BANK1: variants seen among roughly 807,000 people sequenced by gnomAD.
BANK1 encodes the protein B-cell scaffold protein with ankyrin repeats.
A neutral mutation model predicts 94.5 loss-of-function variants in BANK1; 95 were observed. The ratio of observed to expected loss-of-function variants is 1.00; its 90% CI spans 0.85 to 1.19. The LOEUF is 1.19. Among genes scored for constraint, BANK1 ranks in the 50% most tolerant of loss-of-function variants. BANK1 has a pLI of 0.00. For synonymous variants in BANK1, 334 were observed against 308.4 expected (o/e 1.08, Z -0.87); for missense variants, 987 against 932.2 (o/e 1.06, Z -0.77).
intron 7 of BANK1, among the ~76,000 whole-genome samples, chr4:102,007,070 A>ATATATATAAATATATAAAATATATAATTT (rs1726291443): frequency 1.0e-5 from 1 of 97,132 alleles, no homozygotes; most frequent in Non-Finnish European, 2.3e-5. Context: ...ATATAATTTT[A>ATATATATAAATATATAAAATATATAATTT]TATATATATA....
At chr4:102,043,004 A>G (rs140238745) in intron 10 of BANK1, among the ~76,000 whole-genome samples, 5 of 152,044 alleles carry the variant, frequency 3.3e-5, no homozygotes, top group East Asian at 3.9e-4. Flanking sequence ...GTTACTTCCA[A>G]CTCCCTCATC....
chr4:102,023,295 A>T (rs1193807860), intron 8 of BANK1, among the ~76,000 whole-genome samples: 1 of 152,204 alleles, frequency 6.6e-6, no homozygotes, highest in Non-Finnish European at 1.5e-5. Context: ...GGACACAAAA[A>T]ATGCTAAATA....
chr4:101,953,665 T>C (rs1724246879), intron 7 of BANK1, among the ~76,000 whole-genome samples: 1 of 152,128 alleles, frequency 6.6e-6, no homozygotes, highest in African/African-American at 2.4e-5. Context: ...AGTTCAATTT[T>C]CATATGAATT....
chr4:101,881,881 C>A, intron 5 of BANK1, among the ~76,000 whole-genome samples: 1 of 149,608 alleles, frequency 6.7e-6, no homozygotes, highest in African/African-American at 2.5e-5. Flanking sequence ...CAATTGAACT[C>A]ATGGAGCTAG....
At chr4:101,832,789 G>A (rs571215185) in intron 2 of BANK1, among the ~76,000 whole-genome samples, 26 of 152,074 alleles carry the variant, frequency 1.7e-4, no homozygotes, top group Middle Eastern at 3.4e-3. Context: ...TTTCAACTTT[G>A]TTTATGGTAA....
intron 7 of BANK1, among the ~76,000 whole-genome samples, chr4:101,952,374 T>A (rs1342792295): frequency 6.6e-6 from 1 of 152,138 alleles, no homozygotes; most frequent in Non-Finnish European, 1.5e-5. Flanking sequence ...AATGTTCTAA[T>A]TACTGTGACT....
At chr4:101,973,801 A>G (rs1382648171) in intron 7 of BANK1, among the ~76,000 whole-genome samples, 1 of 152,108 alleles carries the variant, frequency 6.6e-6, no homozygotes, top group African/African-American at 2.4e-5. Context: ...AAACATTTCT[A>G]CATAGTCTAT....
chr4:102,027,410 C>A, intron 9 of BANK1, among the ~76,000 whole-genome samples: 1 of 152,056 alleles, frequency 6.6e-6, no homozygotes, highest in Non-Finnish European at 1.5e-5. Flanking sequence ...AAAATAAAAA[C>A]TCACTTATTT....
chr4:101,928,796 G>A (rs1239420738), intron 7 of BANK1, among the ~76,000 whole-genome samples: 1 of 151,642 alleles, frequency 6.6e-6, no homozygotes, highest in Non-Finnish European at 1.5e-5. Flanking sequence ...AACTACAATA[G>A]CATTGTGGGA....
At chr4:101,822,546 T>A (rs1333190585) in intron 1 of BANK1, among the ~76,000 whole-genome samples, 1 of 152,106 alleles carries the variant, frequency 6.6e-6, no homozygotes, top group African/African-American at 2.4e-5. Context: ...AGTTTTTTGA[T>A]CACAGCATTC....
intron 11 of BANK1, among the ~76,000 whole-genome samples, chr4:102,053,946 A>C (rs916865062): frequency 6.6e-6 from 1 of 151,840 alleles, no homozygotes; most frequent in African/African-American, 2.4e-5. Context: ...TCCTTCATAT[A>C]TATGTATATA....
intron 9 of BANK1, among the ~76,000 whole-genome samples, chr4:102,027,636 T>C (rs1489275605): frequency 6.7e-6 from 1 of 149,530 alleles, no homozygotes; most frequent in Non-Finnish European, 1.5e-5. Context: ...TTGTTCTTTA[T>C]GAGTAGCTTC....
At chr4:101,794,001 G>T (rs950175492) in intron 1 of BANK1, among the ~76,000 whole-genome samples, 2 of 152,026 alleles carry the variant, frequency 1.3e-5, no homozygotes, top group Non-Finnish European at 2.9e-5. Context: ...AAAAATAGGA[G>T]ATATGGCCTC....
At chr4:101,819,085 T>G (rs1726034339) in intron 1 of BANK1, among the ~76,000 whole-genome samples, 1 of 152,140 alleles carries the variant, frequency 6.6e-6, no homozygotes, top group Non-Finnish European at 1.5e-5. Flanking sequence ...CATTATCATA[T>G]ATATACTCAA....
chr4:101,847,736 TACACACACACACACACACACACACAC>T (rs35196238), intron 2 of BANK1, among the ~76,000 whole-genome samples: 8 of 145,880 alleles, frequency 5.5e-5, no homozygotes, highest in African/African-American at 1.8e-4. Context: ...TATTCCATCA[TACACACACACACACACACACACACAC>T]ACACACACAC....
At chr4:101,869,124 T>C (rs926842087) in intron 4 of BANK1, among the ~76,000 whole-genome samples, 1 of 151,864 alleles carries the variant, frequency 6.6e-6, no homozygotes, top group Non-Finnish European at 1.5e-5. Flanking sequence ...CCTCTCCTGA[T>C]TCATTACCGA....
chr4:101,953,770 G>A lies in BANK1; in HGVS notation c.1206+35581G>A, dbSNP rs1375389364. ...TAACTAAAACCCCACTGAGTCATGAGCCTAAATTTTATTGTCAGTTGATAT... is the reference window on the plus strand; with the variant it reads ...TAACTAAAACCCCACTGAGTCATGAACCTAAATTTTATTGTCAGTTGATAT... On this transcript the variant is annotated intron_variant, in intron 7 of 16. Coordinates refer to ENST00000322953, the MANE Select transcript of BANK1 (RefSeq NM_017935.5). Among the ~76,000 whole-genome samples the A allele has an allele frequency of 5.9e-5, 9 of 152,010 alleles. No homozygotes were observed. In the East Asian group the frequency reaches 1.7e-3, roughly 29 times the overall value.
chr4:102,018,420 C>G (rs1726786012), intron 7 of BANK1, among the ~76,000 whole-genome samples: 1 of 152,148 alleles, frequency 6.6e-6, no homozygotes. Flanking sequence ...TTCAGAATCT[C>G]ATAAAATGAT....
intron 7 of BANK1, among the ~76,000 whole-genome samples, chr4:102,006,623 G>C (rs1003720475): frequency 2.6e-5 from 4 of 151,942 alleles, no homozygotes; most frequent in Admixed American, 2.6e-4. Flanking sequence ...AAGACACAAG[G>C]CATGGATGTT....
Sources: gnomAD v4.1 joint callset for allele counts (sites outside exome capture counted in the v4.1 genomes callset) on GRCh38, gnomAD v4.1.1 for gene constraint, MANE v1.5 for transcripts, NCBI Gene and HGNC (gene_info 2026-07-23, HGNC 2026-07-21) for gene names.